CCDC171: variants seen among roughly 807,000 people sequenced by gnomAD.
CCDC171 encodes coiled-coil domain containing 171, also known as coiled-coil domain-containing protein 171.
In CCDC171, 177 loss-of-function variants were observed where a neutral mutation model predicts 168.2. That is an observed-to-expected ratio of 1.05 (90% CI 0.93 to 1.19). The LOEUF (loss-of-function observed/expected upper bound fraction) is 1.19, where lower values mean the gene tolerates loss of function less well. CCDC171 is among the 50% of genes most tolerant of loss of function. CCDC171 has a pLI of 0.00. For missense variants in CCDC171, 1,991 were observed against 1,539.0 expected, an observed-to-expected ratio of 1.29 and a Z score of -4.91; for synonymous variants, 687 against 540.8, an observed-to-expected ratio of 1.27 and a Z score of -3.75.
chr9:15,570,486 A>C (rs942116041), intron 2 of CCDC171, among the ~76,000 whole-genome samples: 1 of 151,798 alleles, frequency 6.6e-6, no homozygotes, highest in Admixed American at 6.6e-5. Flanking sequence ...TTATCATATT[A>C]GATGCTTATT....
intron 9 of CCDC171, among the ~76,000 whole-genome samples, chr9:15,666,606 ATATCTTTAAG>A (rs1328721425): frequency 6.6e-6 from 1 of 152,152 alleles, no homozygotes; most frequent in African/African-American, 2.4e-5. Context: ...ATGTAACGCA[ATATCTTTAAG>A]TATCAAGACC....
intron 18 of CCDC171, among the ~76,000 whole-genome samples, chr9:15,749,642 C>G (rs1360066235): frequency 6.6e-6 from 1 of 152,160 alleles, no homozygotes; most frequent in East Asian, 1.9e-4. Context: ...ACACTGCAAT[C>G]AAACTAGAAC....
At chr9:16,012,859 C>G (rs572243505) in intron 3 of CCDC171, among the ~76,000 whole-genome samples, 8 of 152,090 alleles carry the variant, frequency 5.3e-5, no homozygotes, top group Non-Finnish European at 1.0e-4. Flanking sequence ...GGTGGACTGG[C>G]TGAATTTACA....
chr9:15,745,386 TC>T (rs2134669244), intron 17 of CCDC171, 128 bp from the exon 18 acceptor site: 2 of 467,496 alleles, frequency 4.3e-6, no homozygotes, highest in Non-Finnish European at 7.4e-6. Context: ...AATAGATTTT[TC>T]CACATTAGGC....
At chr9:15,654,684 C>G (rs534312415) in intron 7 of CCDC171, among the ~76,000 whole-genome samples, 1 of 151,894 alleles carries the variant, frequency 6.6e-6, no homozygotes, top group Non-Finnish European at 1.5e-5. Context: ...CCAAGATGGC[C>G]GAATAGGAAC....
intron 24 of CCDC171, among the ~76,000 whole-genome samples, chr9:15,916,737 T>A (rs1824578800): frequency 6.6e-6 from 1 of 152,060 alleles, no homozygotes; most frequent in Admixed American, 6.6e-5. Flanking sequence ...CGTACACTTT[T>A]AAAAAATGGA....
intron 11 of CCDC171, among the ~76,000 whole-genome samples, chr9:15,709,814 A>C (rs948904218): frequency 6.6e-6 from 1 of 152,210 alleles, no homozygotes; most frequent in East Asian, 1.9e-4. Context: ...TTCTTCCTTC[A>C]AATTCATCCA....
At chr9:16,096,200 T>A in the CCDC171 span, among the ~76,000 whole-genome samples, 3 of 152,164 alleles carry the variant, frequency 2.0e-5, no homozygotes, top group Non-Finnish European at 4.4e-5. Flanking sequence ...GTTCCCTCTG[T>A]ATGGCAAGAA....
At chr9:15,994,158 T>G (rs1228844498) in intron 3 of CCDC171, among the ~76,000 whole-genome samples, 1 of 152,194 alleles carries the variant, frequency 6.6e-6, no homozygotes, top group Non-Finnish European at 1.5e-5. Flanking sequence ...TGCAGTATAA[T>G]CGCAATAGCA....
At chr9:16,095,869 C>CATATATATATATATAT in the CCDC171 span, among the ~76,000 whole-genome samples, 409 of 123,710 alleles carry the variant, frequency 3.3e-3, 1 homozygote, top group Non-Finnish European at 5.2e-3. Context: ...CACATAGGCA[C>CATATATATATATATAT]ATATATATAT....
Position 15,571,636 on chromosome 9 carries a change from C to T in CCDC171, c.54C>T (p.Ala18=), listed in dbSNP as rs1210570391. 4.5e-6 allele frequency: 7 copies of T among 1,555,640 alleles called. No individual in the cohort carries two copies. Among genetic ancestry groups the T allele is most frequent in the South Asian group, 2.5e-5 (2 of 81,128 alleles). ...NTGDTQRLKI[A]SLDVKQILKN... is the part of the protein sequence containing the mutation. ...TCTCATTTTAAAGGTTGAAGATTGC[C>T]TCATTGGATGTAAAACAAATACTTA... Residue 18 remains alanine, a synonymous_variant, in exon 3 of 26, where the codon GCC becomes GCT. Coordinates refer to ENST00000380701, the MANE Select transcript of CCDC171 (RefSeq NM_173550.4).
chr9:15,908,200 G>A lies in CCDC171; in HGVS notation c.3601-12070G>A, dbSNP rs1416487221. Among the ~76,000 whole-genome samples the A allele has an allele frequency of 2.6e-5, 4 of 152,052 alleles. No individual in the cohort carries two copies. In the East Asian group the frequency reaches 7.7e-4, roughly 29 times the overall value. ...AAATCATGCTGCTATAAAGACACAT[G>A]CACACGTATGTTTATTGTGGCACTA... On this transcript the variant is annotated intron_variant, in intron 24 of 25. Coordinates refer to ENST00000380701, the MANE Select transcript of CCDC171 (RefSeq NM_173550.4).
intron 7 of CCDC171, among the ~76,000 whole-genome samples, chr9:15,652,090 A>G (rs1363508026): frequency 6.6e-6 from 1 of 152,060 alleles, no homozygotes; most frequent in East Asian, 1.9e-4. Flanking sequence ...ATTTTTTTGT[A>G]GAGACCAGGT....
chr9:15,689,930 G>T (rs746717533), intron 10 of CCDC171, among the ~76,000 whole-genome samples: 1 of 152,204 alleles, frequency 6.6e-6, no homozygotes, highest in Admixed American at 6.5e-5. Flanking sequence ...CAAAAAGGGT[G>T]TTAAGTCAAT....
At chr9:15,616,263 T>C (rs1477013174) in intron 6 of CCDC171, among the ~76,000 whole-genome samples, 1 of 152,096 alleles carries the variant, frequency 6.6e-6, no homozygotes, top group African/African-American at 2.4e-5. Context: ...TTTCTGTTTA[T>C]TTTTTAGGGA....
In CCDC171 at chr9:15,718,058, C is replaced by G. The variant is rs574791259; in HGVS notation, c.1319-3711C>G. Among the ~76,000 whole-genome samples the G allele has an allele frequency of 5.9e-5, 9 of 151,944 alleles. No homozygotes were observed. In the South Asian group the frequency reaches 1.9e-3, roughly 32 times the overall value. Reference sequence around the variant, plus strand: ...GGGTCCTTGATTCCAGGCCTTGGCTCTTCGATGGCATTTCTGGACCTGCCC... The same window carrying G: ...GGGTCCTTGATTCCAGGCCTTGGCTGTTCGATGGCATTTCTGGACCTGCCC... On this transcript the variant is annotated intron_variant, in intron 11 of 25. Transcript: ENST00000380701.
intron 1 of CCDC171, among the ~76,000 whole-genome samples, chr9:16,059,835 C>G (rs1032301137): frequency 6.6e-6 from 1 of 151,768 alleles, no homozygotes; most frequent in African/African-American, 2.4e-5. Flanking sequence ...TTTAACACAC[C>G]CGACTTATTA....
intron 11 of CCDC171, among the ~76,000 whole-genome samples, chr9:15,715,848 T>G (rs2053042822): frequency 6.6e-6 from 1 of 152,198 alleles, no homozygotes; most frequent in African/African-American, 2.4e-5. Context: ...TATGAAAAAT[T>G]ATTTAGTTTT....
intron 25 of CCDC171, chr9:15,922,143 T>G (rs745745527): frequency 1.0e-5 from 4 of 395,254 alleles, no homozygotes; most frequent in South Asian, 7.7e-5. Flanking sequence ...GAAGAGATGG[T>G]TCACCCTGTA....
Sources: gnomAD v4.1 joint callset for allele counts (sites outside exome capture counted in the v4.1 genomes callset) on GRCh38, gnomAD v4.1.1 for gene constraint, MANE v1.5 for transcripts, NCBI Gene and HGNC (gene_info 2026-07-23, HGNC 2026-07-21) for gene names.